ZNF407: variants seen among roughly 807,000 people sequenced by gnomAD.
ZNF407 encodes zinc finger protein 407.
A neutral mutation model predicts 131.2 loss-of-function variants in ZNF407; 17 were observed. The ratio of observed to expected loss-of-function variants is 0.13; its 90% confidence interval spans 0.09 to 0.19. The LOEUF (loss-of-function observed/expected upper bound fraction) is 0.19, where lower values mean the gene tolerates loss of function less well. Among genes scored for constraint, ZNF407 ranks in the 10% least tolerant of loss-of-function variants. The pLI is 1.00. For missense variants in ZNF407, 2,681 were observed against 2,830.6 expected, an observed-to-expected ratio of 0.95 and a Z score of 1.20; for synonymous variants, 1,156 against 1,062.0, an observed-to-expected ratio of 1.09 and a Z score of -1.72.
chr18:74,976,967 T>C (rs1306088804), intron 8 of ZNF407, among the ~76,000 whole-genome samples: 8 of 152,236 alleles, frequency 5.3e-5, no homozygotes, highest in Admixed American at 1.3e-4. Context: ...TGCTAATGCA[T>C]AGGCTTCTGT....
At chr18:74,903,672 G>A (rs568144761) in intron 7 of ZNF407, among the ~76,000 whole-genome samples, 5 of 152,310 alleles carry the variant, frequency 3.3e-5, no homozygotes, top group Middle Eastern at 3.4e-3. Flanking sequence ...GAATAAATAT[G>A]TAGCGATGAA....
chr18:74,864,985 C>A, intron 4 of ZNF407, among the ~76,000 whole-genome samples: 1 of 152,170 alleles, frequency 6.6e-6, no homozygotes, highest in East Asian at 1.9e-4. Context: ...TGAACAATAT[C>A]TATAATTAGC....
chr18:74,852,222 C>T (rs767804738), intron 4 of ZNF407, among the ~76,000 whole-genome samples: 12 of 152,052 alleles, frequency 7.9e-5, no homozygotes, highest in South Asian at 4.1e-4. Flanking sequence ...CGCACGCGCG[C>T]GCGCATTGCT....
At chr18:74,975,051 C>G (rs962550012) in intron 8 of ZNF407, among the ~76,000 whole-genome samples, 3 of 152,204 alleles carry the variant, frequency 2.0e-5, no homozygotes, top group Admixed American at 6.5e-5. Context: ...AGGATTTTGT[C>G]TTAATATGCT....
At chr18:74,917,214 T>G (rs1971784488) in intron 7 of ZNF407, among the ~76,000 whole-genome samples, 1 of 152,166 alleles carries the variant, frequency 6.6e-6, no homozygotes, top group African/African-American at 2.4e-5. Flanking sequence ...AGAGACTCCA[T>G]ACACATTAAC....
intron 3 of ZNF407, among the ~76,000 whole-genome samples, chr18:74,708,486 C>T (rs924703379): frequency 3.3e-5 from 5 of 152,178 alleles, no homozygotes; most frequent in Admixed American, 2.0e-4. Flanking sequence ...CTCAGGATAA[C>T]TATTGTGCTT....
At chr18:74,673,983 A>G (rs901215914) in intron 3 of ZNF407, among the ~76,000 whole-genome samples, 2 of 152,232 alleles carry the variant, frequency 1.3e-5, no homozygotes, top group Non-Finnish European at 2.9e-5. Context: ...TTTTAAAGGT[A>G]TAAGCAATGC....
At chr18:74,905,525 G>A (rs1311531910) in intron 7 of ZNF407, 1 of 152,248 alleles carries the variant, frequency 6.6e-6, no homozygotes, top group Non-Finnish European at 1.5e-5. Context: ...CAAGGGTGGT[G>A]GATGAGACCA....
chr18:74,832,995 C>T (rs1970506377), intron 4 of ZNF407, among the ~76,000 whole-genome samples: 1 of 152,168 alleles, frequency 6.6e-6, no homozygotes, highest in Non-Finnish European at 1.5e-5. Flanking sequence ...CTGCTTCCAC[C>T]TACACTGGTG....
intron 4 of ZNF407, among the ~76,000 whole-genome samples, chr18:74,872,196 A>G (rs1971097214): frequency 8.1e-6 from 1 of 124,078 alleles, no homozygotes; most frequent in East Asian, 2.5e-4. Context: ...CAGGCTGATC[A>G]GTGGTGAGAT....
chr18:74,843,862 TTTTATATAAAATCATA>T (rs1415759733), intron 4 of ZNF407, among the ~76,000 whole-genome samples: 5 of 152,188 alleles, frequency 3.3e-5, no homozygotes, highest in Non-Finnish European at 5.9e-5. Flanking sequence ...AAATGTATGA[TTTTATATAAAATCATA>T]TTTATATAGT....
intron 8 of ZNF407, among the ~76,000 whole-genome samples, chr18:74,937,920 A>AGAT (rs1972056559): frequency 6.6e-6 from 1 of 152,190 alleles, no homozygotes; most frequent in African/African-American, 2.4e-5. Flanking sequence ...AAAGGTGGTG[A>AGAT]GATTATACTT....
intron 8 of ZNF407, among the ~76,000 whole-genome samples, chr18:75,012,388 GTA>G (rs1972988447): frequency 1.3e-5 from 1 of 77,288 alleles, no homozygotes; most frequent in East Asian, 4.1e-4. Flanking sequence ...TACACATAGT[GTA>G]TGTACACATA....
intron 3 of ZNF407, among the ~76,000 whole-genome samples, chr18:74,676,437 A>AT (rs1178240160): frequency 0.025 from 2,976 of 119,668 alleles, 110 homozygotes; most frequent in African/African-American, 0.075. Context: ...GTGATATAGC[A>AT]TTTTTTTTTT....
At chr18:74,752,155 G>A (rs1208794753) in intron 3 of ZNF407, among the ~76,000 whole-genome samples, 2 of 152,170 alleles carry the variant, frequency 1.3e-5, no homozygotes, top group African/African-American at 4.8e-5. Flanking sequence ...GTGTCTGTTG[G>A]CTGCATAAAT....
chr18:74,848,782 A>G (rs1199768354), intron 4 of ZNF407, among the ~76,000 whole-genome samples: 1 of 152,134 alleles, frequency 6.6e-6, no homozygotes, highest in Non-Finnish European at 1.5e-5. Flanking sequence ...TCCACAGTAT[A>G]AAGGTGAGAA....
At chr18:74,781,114 A>T (rs946387380) in intron 3 of ZNF407, among the ~76,000 whole-genome samples, 2 of 152,160 alleles carry the variant, frequency 1.3e-5, no homozygotes, top group African/African-American at 4.8e-5. Flanking sequence ...TGTGCATGTT[A>T]TACTGAGGTA....
At chr18:74,925,300 A>T (rs928338834) in intron 8 of ZNF407, among the ~76,000 whole-genome samples, 1 of 152,164 alleles carries the variant, frequency 6.6e-6, no homozygotes, top group South Asian at 2.1e-4. Context: ...TTCTTCTCTA[A>T]GATAAGCAGT....
chr18:74,696,264 A>C (rs1356438960), intron 3 of ZNF407, among the ~76,000 whole-genome samples: 2 of 152,198 alleles, frequency 1.3e-5, no homozygotes, highest in Non-Finnish European at 2.9e-5. Context: ...GGTAGTTTCA[A>C]AAATTAAACT....
Sources: gnomAD v4.1 joint callset for allele counts (sites outside exome capture counted in the v4.1 genomes callset) on GRCh38, gnomAD v4.1.1 for gene constraint, MANE v1.5 for transcripts, NCBI Gene and HGNC (gene_info 2026-07-23, HGNC 2026-07-21) for gene names.